LIMS1: variants seen among roughly 807,000 people sequenced by gnomAD.
LIMS1 encodes LIM zinc finger domain containing 1.
A neutral mutation model predicts 44.1 loss-of-function variants in LIMS1; 18 were observed. The ratio of observed to expected loss-of-function variants is 0.41; its 90% CI spans 0.28 to 0.61. The LOEUF (loss-of-function observed/expected upper bound fraction) is 0.61. LIMS1 is among the 20% of genes least tolerant of loss of function. The pLI, the probability that LIMS1 is intolerant of heterozygous loss-of-function variation, is 0.32. For missense variants in LIMS1, 201 were observed against 422.0 expected (o/e 0.48, Z 4.59); for synonymous variants, 93 against 149.1 (o/e 0.62, Z 2.74).
At chr2:108,589,183 TA>T (rs74920781) in intron 1 of LIMS1, among the ~76,000 whole-genome samples, 154 of 146,032 alleles carry the variant, frequency 1.1e-3, no homozygotes, top group African/African-American at 1.5e-3. Context: ...AAACGCTGTT[TA>T]AAAAAAAAAA....
chr2:108,640,324 A>G (rs1357478961), intron 1 of LIMS1, among the ~76,000 whole-genome samples: 1 of 152,144 alleles, frequency 6.6e-6, no homozygotes, highest in African/African-American at 2.4e-5. Context: ...TTTTCTAGAG[A>G]TCATCCAGGG....
At chr2:108,642,571 G>A (rs557141265) in intron 1 of LIMS1, among the ~76,000 whole-genome samples, 17 of 152,014 alleles carry the variant, frequency 1.1e-4, no homozygotes, top group Middle Eastern at 3.4e-3. Context: ...GTGTTAGCCA[G>A]GATGGTCTCG....
intron 2 of LIMS1, among the ~76,000 whole-genome samples, chr2:108,663,668 C>G (rs1327963585): frequency 6.6e-6 from 1 of 152,128 alleles, no homozygotes; most frequent in African/African-American, 2.4e-5. Flanking sequence ...ATTTCTCTCT[C>G]CTTAGTTTGG....
At chr2:108,614,079 C>A (rs998057256) in intron 1 of LIMS1, among the ~76,000 whole-genome samples, 3 of 152,178 alleles carry the variant, frequency 2.0e-5, no homozygotes, top group Admixed American at 2.0e-4. Flanking sequence ...AGGTGCACAG[C>A]TGGGTTGGGG....
At chr2:108,572,987 T>A (rs915049419) in intron 1 of LIMS1, among the ~76,000 whole-genome samples, 2 of 152,180 alleles carry the variant, frequency 1.3e-5, no homozygotes, top group Non-Finnish European at 1.5e-5. Flanking sequence ...GAGTGTATGC[T>A]TGTCGGTGCT....
rs1031350513 is a variant in LIMS1, at chr2:108,561,791, G to A, written c.32+27197G>A. ...GGAGTCTCACTCTGTTGCCAGGCTG[G>A]AGTGCAGTGGCGTGATCTTGGCTCA... On this transcript the variant is annotated intron_variant, in intron 1 of 9. Transcript: ENST00000544547. 2.7e-5 allele frequency among the ~76,000 whole-genome samples: 4 copies of A among 149,608 alleles called. No individual in the cohort carries two copies. In the Admixed American group the frequency reaches 2.7e-4, roughly 10 times the overall value.
chr2:108,600,239 T>TG (rs1686934362), intron 1 of LIMS1, among the ~76,000 whole-genome samples: 2 of 151,130 alleles, frequency 1.3e-5, no homozygotes, highest in Non-Finnish European at 3.0e-5. Flanking sequence ...TTAGTAGAGA[T>TG]GGGGTTTCAC....
chr2:108,643,492 A>G (rs113386931), intron 1 of LIMS1, among the ~76,000 whole-genome samples: 26 of 152,182 alleles, frequency 1.7e-4, no homozygotes, highest in African/African-American at 5.1e-4. Flanking sequence ...TTCGCAACCC[A>G]CAGACCAGGA....
At chr2:108,603,030 C>A (rs1443432469) in intron 1 of LIMS1, among the ~76,000 whole-genome samples, 1 of 152,176 alleles carries the variant, frequency 6.6e-6, no homozygotes, top group African/African-American at 2.4e-5. Flanking sequence ...AAATGATCTG[C>A]CTGCCTTGGC....
intron 1 of LIMS1, among the ~76,000 whole-genome samples, chr2:108,538,906 G>T (rs1032062318): frequency 6.6e-6 from 1 of 152,132 alleles, no homozygotes; most frequent in Non-Finnish European, 1.5e-5. Context: ...TCAACAAGCT[G>T]TCTTAGAGCG....
chr2:108,686,231 A>ATGG (rs1693292011), exon 10 of LIMS1: 1 of 151,918 alleles, frequency 6.6e-6, no homozygotes, highest in Admixed American at 6.6e-5. Context: ...AGGCAGGAGA[A>ATGG]TGGTGGGAAC....
intron 1 of LIMS1, among the ~76,000 whole-genome samples, chr2:108,578,439 A>T (rs1302680978): frequency 6.6e-6 from 1 of 152,226 alleles, no homozygotes; most frequent in East Asian, 1.9e-4. Context: ...TATCTCCACC[A>T]TATGAAATAA....
intron 1 of LIMS1, among the ~76,000 whole-genome samples, chr2:108,642,461 G>A (rs1038573495): frequency 2.1e-5 from 3 of 140,960 alleles, no homozygotes; most frequent in Non-Finnish European, 3.0e-5. Flanking sequence ...CCGGGTTCAC[G>A]CCATTCTCCT....
At chr2:108,542,083 G>A (rs772993426) in intron 1 of LIMS1, among the ~76,000 whole-genome samples, 27 of 152,150 alleles carry the variant, frequency 1.8e-4, no homozygotes, top group African/African-American at 5.8e-4. Context: ...TTAGTGAATC[G>A]AAAAGTTCAG....
chr2:108,582,260 T>C (rs1210712072), intron 1 of LIMS1, among the ~76,000 whole-genome samples: 3 of 152,156 alleles, frequency 2.0e-5, no homozygotes, highest in Admixed American at 6.5e-5. Flanking sequence ...TGGGAACTTG[T>C]GGAGCATTTT....
At chr2:108,573,878 C>G (rs1485219061) in intron 1 of LIMS1, among the ~76,000 whole-genome samples, 1 of 152,156 alleles carries the variant, frequency 6.6e-6, no homozygotes, top group Non-Finnish European at 1.5e-5. Flanking sequence ...GAAGAGAAGA[C>G]TTGGAGCAGC....
intron 1 of LIMS1, among the ~76,000 whole-genome samples, chr2:108,582,443 TTG>T (rs1368566908): frequency 6.6e-6 from 1 of 152,184 alleles, no homozygotes; most frequent in Non-Finnish European, 1.5e-5. Flanking sequence ...TGTGTTTAGG[TTG>T]ACATCATCAG....
chr2:108,602,205 C>A (rs1687055917), intron 1 of LIMS1, among the ~76,000 whole-genome samples: 1 of 152,114 alleles, frequency 6.6e-6, no homozygotes, highest in African/African-American at 2.4e-5. Context: ...TTGGTGAAGT[C>A]CTTAGGTTTT....
At chr2:108,577,598 C>T (rs908899151) in intron 1 of LIMS1, among the ~76,000 whole-genome samples, 1 of 152,196 alleles carries the variant, frequency 6.6e-6, no homozygotes, top group African/African-American at 2.4e-5. Context: ...GGTAGGTTAA[C>T]ACTTGCATTT....
Sources: gnomAD v4.1 joint callset for allele counts (sites outside exome capture counted in the v4.1 genomes callset) on GRCh38, gnomAD v4.1.1 for gene constraint, MANE v1.5 for transcripts, NCBI Gene and HGNC (gene_info 2026-07-23, HGNC 2026-07-21) for gene names.